Variants in RMST observed in about 807,000 individuals in gnomAD.
The protein encoded by RMST is rhabdomyosarcoma 2 associated transcript, also known as long intergenic non-protein coding RNA 54.
At chr12:97,556,368 G>A (rs1883710181) in intron 11 of RMST, among the ~76,000 whole-genome samples, 1 of 152,162 alleles carries the variant, frequency 6.6e-6, no homozygotes, top group African/African-American at 2.4e-5. Flanking sequence ...AGCCAAGTGT[G>A]ACGTGTTAAA....
chr12:97,484,150 G>A (rs1875792177), intron 5 of RMST, among the ~76,000 whole-genome samples: 1 of 152,136 alleles, frequency 6.6e-6, no homozygotes, highest in Non-Finnish European at 1.5e-5. Context: ...GCGTTGTAGA[G>A]TTTTATAGCC....
exon 11 of RMST, chr12:97,530,803 G>A (rs1881550768): frequency 6.6e-6 from 1 of 152,054 alleles, no homozygotes; most frequent in African/African-American, 2.4e-5. Flanking sequence ...TTTGCTCAAG[G>A]TGGAACGACA....
chr12:97,553,233 G>A (rs1225235148), intron 11 of RMST, among the ~76,000 whole-genome samples: 1 of 148,080 alleles, frequency 6.8e-6, no homozygotes, highest in African/African-American at 2.5e-5. Context: ...TAACAAAATA[G>A]CGATACATTT....
intron 10 of RMST, among the ~76,000 whole-genome samples, chr12:97,514,614 T>C: frequency 6.6e-6 from 1 of 152,166 alleles, no homozygotes; most frequent in East Asian, 1.9e-4. Flanking sequence ...ACAAGCTAAA[T>C]TTAGCTAACA....
intron 10 of RMST, among the ~76,000 whole-genome samples, chr12:97,511,873 T>C (rs140874302): frequency 2.1e-3 from 314 of 152,340 alleles, no homozygotes; most frequent in Middle Eastern, 6.8e-3. Context: ...CACCTTCATG[T>C]GTATACCTGT....
intron 10 of RMST, among the ~76,000 whole-genome samples, chr12:97,522,208 A>G (rs1191533354): frequency 2.0e-5 from 3 of 152,240 alleles, no homozygotes; most frequent in African/African-American, 7.2e-5. Flanking sequence ...ATGTTACTAT[A>G]TGAGAATTCA....
intron 5 of RMST, among the ~76,000 whole-genome samples, chr12:97,466,995 G>C (rs1317281757): frequency 6.6e-6 from 1 of 152,002 alleles, no homozygotes; most frequent in African/African-American, 2.4e-5. Context: ...AGTTTAAGGA[G>C]AAAAACCAAA....
At chr12:97,536,975 A>G (rs1201935325) in intron 11 of RMST, among the ~76,000 whole-genome samples, 1 of 151,294 alleles carries the variant, frequency 6.6e-6, no homozygotes, top group Non-Finnish European at 1.5e-5. Context: ...TTATGTTTGG[A>G]GAGAGAGAGA....
chr12:97,480,702 G>T (rs1875176207), intron 5 of RMST, among the ~76,000 whole-genome samples: 1 of 152,072 alleles, frequency 6.6e-6, no homozygotes, highest in South Asian at 2.1e-4. Flanking sequence ...TTCCTGTCTT[G>T]CACTTTGCTT....
chr12:97,528,440 C>T (rs1411120589), intron 10 of RMST, among the ~76,000 whole-genome samples: 2 of 152,072 alleles, frequency 1.3e-5, no homozygotes, highest in African/African-American at 2.4e-5. Flanking sequence ...ACATTGTGTA[C>T]ATAGCATTAT....
intron 5 of RMST, among the ~76,000 whole-genome samples, chr12:97,470,330 TAA>T (rs1275139268): frequency 6.6e-6 from 1 of 151,870 alleles, no homozygotes; most frequent in East Asian, 1.9e-4. Flanking sequence ...AGAAGAATAT[TAA>T]AAAGATAGGA....
intron 10 of RMST, among the ~76,000 whole-genome samples, chr12:97,503,227 C>A (rs952181372): frequency 1.3e-5 from 2 of 152,190 alleles, no homozygotes; most frequent in African/African-American, 4.8e-5. Flanking sequence ...AGGCTCCCAA[C>A]TTTTAAATAG....
At chr12:97,512,130 G>A (rs1879395212) in intron 10 of RMST, among the ~76,000 whole-genome samples, 1 of 152,118 alleles carries the variant, frequency 6.6e-6, no homozygotes, top group African/African-American at 2.4e-5. Flanking sequence ...CGAGTCTGGC[G>A]GATTCGTGGT....
intron 5 of RMST, among the ~76,000 whole-genome samples, chr12:97,477,571 T>G (rs1248560287): frequency 1.3e-5 from 2 of 152,054 alleles, no homozygotes; most frequent in African/African-American, 4.8e-5. Flanking sequence ...TTCAGAAACA[T>G]TAAAGGATAG....
chr12:97,519,661 C>T (rs1179482100), intron 10 of RMST, among the ~76,000 whole-genome samples: 1 of 152,136 alleles, frequency 6.6e-6, no homozygotes, highest in Non-Finnish European at 1.5e-5. Context: ...TTTAGATGTT[C>T]AGAATCGGTT....
chr12:97,492,772 A>G (rs1876993682), intron 6 of RMST: 1 of 152,106 alleles, frequency 6.6e-6, no homozygotes. Flanking sequence ...GATTTGATAT[A>G]CCCAGTTTAC....
intron 8 of RMST, chr12:97,494,019 GA>G (rs1169676130): frequency 6.6e-6 from 1 of 152,192 alleles, no homozygotes; most frequent in East Asian, 1.9e-4. Flanking sequence ...GATTTATTGT[GA>G]ATTGGCTTCC....
chr12:97,558,039 T>C (rs1478754957), intron 11 of RMST, among the ~76,000 whole-genome samples: 1 of 152,140 alleles, frequency 6.6e-6, no homozygotes, highest in Non-Finnish European at 1.5e-5. Flanking sequence ...TCGTTGGTGT[T>C]TTTATTTTTC....
At chr12:97,522,204 C>A (rs1424456023) in intron 10 of RMST, among the ~76,000 whole-genome samples, 1 of 152,188 alleles carries the variant, frequency 6.6e-6, no homozygotes, top group East Asian at 1.9e-4. Context: ...GTGCATGTTA[C>A]TATATGAGAA....
Sources: allele counts gnomAD v4.1 joint callset (sites outside exome capture counted in the v4.1 genomes callset), GRCh38; gene constraint gnomAD v4.1.1; transcripts MANE v1.5; gene names NCBI Gene and HGNC (gene_info 2026-07-23, HGNC 2026-07-21).